The following PMS1 variants were observed in gnomAD, a reference collection of about 807,000 sequenced individuals.
The protein encoded by PMS1 is PMS1 protein homolog 1.
Under a neutral mutation model 93.1 loss-of-function variants are expected in PMS1, and 79 were observed. That is an observed-to-expected ratio of 0.85 (90% CI 0.71 to 1.02). The LOEUF is 1.02. Among genes scored for constraint, PMS1 ranks in the 50% least tolerant of loss-of-function variants. The probability of loss-of-function intolerance (pLI) is 0.00; values close to 1 mark genes in which losing one functional copy is unlikely to be tolerated. For missense variants in PMS1, 1,064 were observed against 1,085.3 expected (o/e 0.98, Z 0.28); for synonymous variants, 335 against 363.4 (o/e 0.92, Z 0.89).
In PMS1 at chr2:189,877,535, G is replaced by C; in HGVS notation, c.*99G>C. On this transcript the variant is annotated 3_prime_UTR_variant, in exon 13 of 13. Transcript: ENST00000441310. ...TTATCTTTGTATTATGTGTCACATGGTTATTTTTTAAATGAGGATTCACTG... is the reference window on the plus strand; with the variant it reads ...TTATCTTTGTATTATGTGTCACATGCTTATTTTTTAAATGAGGATTCACTG... The C allele has an allele frequency of 1.3e-6, 1 of 793,864 alleles. No homozygotes were observed. The highest frequency in any genetic ancestry group is 2.0e-6 in the Non-Finnish European group (1 of 488,014). The allele number at this position is 793,864 out of a possible 1,614,324, so 49.2% of individuals were successfully genotyped here.
At chr2:189,875,816 G>A (rs2057511217) in intron 12 of PMS1, among the ~76,000 whole-genome samples, 1 of 151,822 alleles carries the variant, frequency 6.6e-6, no homozygotes, top group South Asian at 2.1e-4. Flanking sequence ...AGCCAGGTGT[G>A]GTGGTGCGCA....
At chr2:189,834,001 T>G (rs2053176129) in intron 5 of PMS1, among the ~76,000 whole-genome samples, 1 of 152,174 alleles carries the variant, frequency 6.6e-6, no homozygotes, top group African/African-American at 2.4e-5. Context: ...ACTAACTGGC[T>G]TACATTACGT....
Position 189,863,782 on chromosome 2 carries a change from T to C in PMS1, c.1896T>C (p.Asn632=). 1.2e-6 allele frequency: 2 copies of C among 1,607,956 alleles called. No individual in the cohort carries two copies. Among genetic ancestry groups the C allele is most frequent in the Non-Finnish European group, 8.5e-7 (1 of 1,174,492 alleles). The part of the protein sequence containing the change: ...EKATKDLERY[N]SQMKRAIEQE... Reference sequence around the variant, plus strand: ...CTACTAAAGACTTGGAACGATACAATAGTCAAATGAAGAGAGCCATTGAAC... The same window carrying C: ...CTACTAAAGACTTGGAACGATACAACAGTCAAATGAAGAGAGCCATTGAAC... The change falls in exon 10 of 13, where the codon AAT becomes AAC. Residue 632 remains asparagine, a synonymous_variant. Transcript: ENST00000441310.
intron 3 of PMS1, 47 bp downstream of exon 3, chr2:189,795,998 C>T (rs368824592): frequency 1.5e-5 from 18 of 1,239,408 alleles, no homozygotes; most frequent in South Asian, 2.4e-5. Context: ...ATTCACTGAA[C>T]ATTACAGTTA....
Position 189,852,755 on chromosome 2 carries a change from T to A in PMS1, c.800T>A (p.Val267Glu), listed in dbSNP as rs2106450175. The change falls in exon 7 of 13, where the codon GTA becomes GAA. Residue 267 changes from valine to glutamate, a missense_variant. Val to Glu is a moderately radical substitution (Grantham distance 121). Coordinates refer to ENST00000441310, the MANE Select transcript of PMS1 (RefSeq NM_000534.5). ...TTCATCTTCATAAACAGTCGACCAG[T>A]ACATCAAAAAGATATCTTAAAGGTA... ...RSFIFINSRP[V>E]HQKDILKLIR... The A allele has an allele frequency of 3.1e-6, 5 of 1,588,562 alleles. No individual in the cohort carries two copies. Among genetic ancestry groups the A allele is most frequent in the Non-Finnish European group, 4.3e-6 (5 of 1,157,186 alleles).
intron 4 of PMS1, among the ~76,000 whole-genome samples, chr2:189,816,046 A>G (rs2051267234): frequency 6.6e-6 from 1 of 152,106 alleles, no homozygotes; most frequent in Non-Finnish European, 1.5e-5. Flanking sequence ...GACTATAGGC[A>G]TATACTACCA....
At position 189,812,170 on chromosome 2, in the gene PMS1, G is replaced by A. The variant is rs913855360; in HGVS notation, c.419-5847G>A. Among the ~76,000 whole-genome samples, 19 of 152,128 alleles carry A rather than the reference G, an allele frequency of 1.2e-4. No individual in the cohort carries two copies. In the East Asian group the frequency reaches 1.5e-3, roughly 12 times the overall value. On this transcript the variant is annotated intron_variant, in intron 4 of 12. Transcript: ENST00000441310. ...ACGAAAATTATCTGGGTGTGGTGGTGCATACCTGTAATCCCAGCTACTCGG... is the reference window on the plus strand; with the variant it reads ...ACGAAAATTATCTGGGTGTGGTGGTACATACCTGTAATCCCAGCTACTCGG...
intron 4 of PMS1, among the ~76,000 whole-genome samples, chr2:189,811,103 G>A (rs942070432): frequency 4.0e-5 from 6 of 151,674 alleles, no homozygotes; most frequent in Non-Finnish European, 5.9e-5. Flanking sequence ...AGAACAAAAA[G>A]TACTATGAAG....
intron 3 of PMS1, among the ~76,000 whole-genome samples, chr2:189,796,665 C>G (rs1270721837): frequency 6.6e-6 from 1 of 152,210 alleles, no homozygotes; most frequent in African/African-American, 2.4e-5. Context: ...ATAATGTCTT[C>G]AGGGTTCATC....
chr2:189,794,289 T>C (rs2106225800), intron 2 of PMS1, among the ~76,000 whole-genome samples: 1 of 152,192 alleles, frequency 6.6e-6, no homozygotes, highest in East Asian at 1.9e-4. Context: ...ATTTTTTGTA[T>C]TTTTAGTAGT....
intron 3 of PMS1, among the ~76,000 whole-genome samples, chr2:189,801,693 A>G (rs1274203159): frequency 6.6e-6 from 1 of 152,252 alleles, no homozygotes; most frequent in African/African-American, 2.4e-5. Flanking sequence ...TGTTTGAATA[A>G]GAGACCTGGC....
At chr2:189,822,624 CATTCCTGTG>C (rs1454722480) in intron 5 of PMS1, among the ~76,000 whole-genome samples, 1 of 152,114 alleles carries the variant, frequency 6.6e-6, no homozygotes, top group Non-Finnish European at 1.5e-5. Flanking sequence ...TAAATTCATC[CATTCCTGTG>C]CTAAGAGAGT....
At chr2:189,799,792 G>T (rs1461633045) in intron 3 of PMS1, among the ~76,000 whole-genome samples, 1 of 152,178 alleles carries the variant, frequency 6.6e-6, no homozygotes, top group Admixed American at 6.5e-5. Flanking sequence ...CCCAAGTCAT[G>T]CAGGGCAACC....
At chr2:189,803,629 A>T (rs2050082443) in intron 3 of PMS1, among the ~76,000 whole-genome samples, 1 of 151,732 alleles carries the variant, frequency 6.6e-6, no homozygotes, top group Non-Finnish European at 1.5e-5. Flanking sequence ...ATGAATTCTG[A>T]ACCTGTGCCC....
At chr2:189,816,438 TTTCTG>T (rs2051310428) in intron 4 of PMS1, among the ~76,000 whole-genome samples, 1 of 152,210 alleles carries the variant, frequency 6.6e-6, no homozygotes, top group Non-Finnish European at 1.5e-5. Flanking sequence ...AAACTTGTTC[TTTCTG>T]TATGACAATG....
intron 1 of PMS1, among the ~76,000 whole-genome samples, chr2:189,791,025 TG>T (rs2048816002): frequency 6.6e-6 from 1 of 151,902 alleles, no homozygotes; most frequent in Non-Finnish European, 1.5e-5. Flanking sequence ...CACAAAATCC[TG>T]GAAGAAATTA....
rs2055186006 is a variant in PMS1, at chr2:189,855,220, T to C, written c.1856+92T>C. The C allele has an allele frequency of 1.2e-5, 13 of 1,081,206 alleles. No homozygotes were observed. The South Asian group carries it at 1.6e-4, about 13-fold the overall frequency. The allele number at this position is 1,081,206 out of a possible 1,614,324, so 67.0% of individuals were successfully genotyped here. ...TAAAAAGAATTTTTTTCACTTCTTA[T>C]TTATGGAAAAGCAGATCAGAAAATA... is the stretch of plus-strand genomic sequence containing the variant. On this transcript the variant is annotated intron_variant, in intron 9 of 12. Coordinates refer to ENST00000441310, the MANE Select transcript of PMS1 (RefSeq NM_000534.5).
chr2:189,838,786 C>G (rs755372260), intron 5 of PMS1, among the ~76,000 whole-genome samples: 30 of 152,280 alleles, frequency 2.0e-4, no homozygotes, highest in Middle Eastern at 6.8e-3. Flanking sequence ...AGGGAATAAT[C>G]CTGTCAACAT....
intron 5 of PMS1, among the ~76,000 whole-genome samples, chr2:189,823,398 A>G (rs2052124945): frequency 6.6e-6 from 1 of 152,114 alleles, no homozygotes; most frequent in Admixed American, 6.5e-5. Context: ...CATTAGGAAT[A>G]TCTCCTAATG....
Sources: allele counts gnomAD v4.1 joint callset (sites outside exome capture counted in the v4.1 genomes callset), GRCh38; gene constraint gnomAD v4.1.1; transcripts MANE v1.5; gene names NCBI Gene and HGNC (gene_info 2026-07-23, HGNC 2026-07-21).